The following CDH18 variants were observed in gnomAD, a reference collection of about 807,000 sequenced individuals.
The protein encoded by CDH18 is cadherin 18, also known as cadherin-18.
A neutral mutation model predicts 67.9 loss-of-function variants in CDH18; 31 were observed. The observed-to-expected ratio is 0.46, with a 90% CI of 0.34 to 0.62. The LOEUF is 0.62. Ranked by LOEUF, CDH18 falls within the 20% of genes least tolerant of loss-of-function variation. CDH18 has a pLI of 0.01. For synonymous variants in CDH18, 362 were observed against 347.2 expected, an observed-to-expected ratio of 1.04 and a Z score of -0.48; for missense variants, 890 against 975.5, an observed-to-expected ratio of 0.91 and a Z score of 1.17.
intron 2 of CDH18, among the ~76,000 whole-genome samples, chr5:20,189,123 A>C (rs1199371327): frequency 6.6e-6 from 1 of 152,080 alleles, no homozygotes; most frequent in Non-Finnish European, 1.5e-5. Flanking sequence ...CTATGGAAGA[A>C]TATCACAAAC....
At chr5:20,164,798 C>A (rs1736163465) in intron 2 of CDH18, among the ~76,000 whole-genome samples, 1 of 152,188 alleles carries the variant, frequency 6.6e-6, no homozygotes, top group East Asian at 1.9e-4. Context: ...AGTCGTTTAC[C>A]TATTTACATT....
intron 9 of CDH18, among the ~76,000 whole-genome samples, chr5:19,529,988 AT>A (rs1383917630): frequency 6.6e-6 from 1 of 152,150 alleles, no homozygotes; most frequent in South Asian, 2.1e-4. Context: ...AACCCAAACA[AT>A]TTCAAAAAGG....
chr5:20,145,435 A>G (rs977390020), intron 2 of CDH18, among the ~76,000 whole-genome samples: 3 of 152,192 alleles, frequency 2.0e-5, no homozygotes, highest in African/African-American at 7.2e-5. Context: ...GTTACCCTGC[A>G]TGACTAATCA....
At chr5:20,124,590 C>T (rs1352919958) in intron 2 of CDH18, among the ~76,000 whole-genome samples, 3 of 152,140 alleles carry the variant, frequency 2.0e-5, no homozygotes, top group Admixed American at 2.0e-4. Context: ...TGTTTGCATC[C>T]TCCTCCAACA....
chr5:19,926,897 G>T (rs1204371927), intron 2 of CDH18, among the ~76,000 whole-genome samples: 2 of 151,928 alleles, frequency 1.3e-5, no homozygotes, highest in Non-Finnish European at 2.9e-5. Flanking sequence ...GGATAGAAAA[G>T]GTTTGCATAA....
intron 2 of CDH18, among the ~76,000 whole-genome samples, chr5:20,166,215 CG>C (rs1406420017): frequency 6.6e-6 from 1 of 151,818 alleles, no homozygotes; most frequent in Non-Finnish European, 1.5e-5. Flanking sequence ...CCAAGGCTGG[CG>C]GATCACCTGA....
intron 5 of CDH18, among the ~76,000 whole-genome samples, chr5:19,680,377 C>T (rs1180567929): frequency 6.6e-6 from 1 of 152,038 alleles, no homozygotes; most frequent in Non-Finnish European, 1.5e-5. Context: ...GCAAAGATTT[C>T]ATGATTAATA....
chr5:19,567,939 G>A (rs984528313), intron 8 of CDH18, among the ~76,000 whole-genome samples: 13 of 152,090 alleles, frequency 8.5e-5, no homozygotes, highest in Non-Finnish European at 1.3e-4. Flanking sequence ...TTGATTGAAA[G>A]TACACATTGA....
At chr5:19,987,155 C>T (rs1799647142) in intron 1 of CDH18, among the ~76,000 whole-genome samples, 1 of 151,926 alleles carries the variant, frequency 6.6e-6, no homozygotes, top group South Asian at 2.1e-4. Context: ...TGCAATGAGA[C>T]ATTGAAATAA....
intron 6 of CDH18, among the ~76,000 whole-genome samples, chr5:19,594,245 G>A (rs1745805154): frequency 6.6e-6 from 1 of 152,004 alleles, no homozygotes; most frequent in African/African-American, 2.4e-5. Flanking sequence ...TCTGCCTCCT[G>A]GCTTCACAGG....
intron 1 of CDH18, among the ~76,000 whole-genome samples, chr5:20,339,711 C>G (rs1740093080): frequency 6.6e-6 from 1 of 152,144 alleles, no homozygotes; most frequent in Non-Finnish European, 1.5e-5. Flanking sequence ...CATTAAGGTA[C>G]AGGTCCTCTT....
chr5:20,494,959 C>A (rs2126407192), intron 1 of CDH18, among the ~76,000 whole-genome samples: 1 of 152,260 alleles, frequency 6.6e-6, no homozygotes, highest in Non-Finnish European at 1.5e-5. Context: ...CAGTGAATCC[C>A]AGCAACTTCT....
At chr5:19,690,170 A>G (rs560939953) in intron 5 of CDH18, among the ~76,000 whole-genome samples, 2 of 151,578 alleles carry the variant, frequency 1.3e-5, no homozygotes, top group Admixed American at 1.3e-4. Flanking sequence ...ATACAAATGC[A>G]TGGAAATCAA....
intron 5 of CDH18, among the ~76,000 whole-genome samples, chr5:19,632,249 G>T (rs1363198063): frequency 6.6e-6 from 1 of 152,216 alleles, no homozygotes; most frequent in South Asian, 2.1e-4. Context: ...TTCCTGAACC[G>T]TTCTCTGATT....
intron 2 of CDH18, among the ~76,000 whole-genome samples, chr5:20,188,453 T>C (rs764236689): frequency 1.3e-5 from 2 of 152,032 alleles, no homozygotes; most frequent in Non-Finnish European, 2.9e-5. Flanking sequence ...ATTTTCATCA[T>C]CAGCAGCATC....
chr5:20,361,431 G>A (rs1006185910), intron 1 of CDH18, among the ~76,000 whole-genome samples: 2 of 151,958 alleles, frequency 1.3e-5, no homozygotes, highest in African/African-American at 4.8e-5. Context: ...TCTTCAATTG[G>A]AGTATTGCTA....
chr5:20,174,249 G>T (rs1386553090), intron 2 of CDH18, among the ~76,000 whole-genome samples: 1 of 152,124 alleles, frequency 6.6e-6, no homozygotes, highest in Non-Finnish European at 1.5e-5. Context: ...AATATACAAT[G>T]CATTTGCTCA....
intron 2 of CDH18, among the ~76,000 whole-genome samples, chr5:20,111,158 G>A (rs1476415555): frequency 6.6e-6 from 1 of 152,114 alleles, no homozygotes; most frequent in Non-Finnish European, 1.5e-5. Flanking sequence ...AATTTTCTCT[G>A]CTCTATGTAA....
chr5:20,381,829 T>G (rs1355924840), intron 1 of CDH18, among the ~76,000 whole-genome samples: 1 of 152,082 alleles, frequency 6.6e-6, no homozygotes, highest in Non-Finnish European at 1.5e-5. Flanking sequence ...TGAGGTAAAG[T>G]TATTGTGCAA....
Sources: allele counts gnomAD v4.1 joint callset (sites outside exome capture counted in the v4.1 genomes callset), GRCh38; gene constraint gnomAD v4.1.1; transcripts MANE v1.5; gene names NCBI Gene and HGNC (gene_info 2026-07-23, HGNC 2026-07-21).